MLXIP: variants seen among roughly 807,000 people sequenced by gnomAD.
MLXIP encodes MLX interacting protein, also known as MLX-interacting protein.
MLXIP carries 30 observed loss-of-function variants against 87.2 expected under a neutral mutation model. That is an observed-to-expected ratio of 0.34 (90% CI 0.26 to 0.47). The LOEUF (loss-of-function observed/expected upper bound fraction) is 0.47, where lower values mean the gene tolerates loss of function less well. Ranked by LOEUF, MLXIP falls within the 20% of genes least tolerant of loss-of-function variation. The pLI is 1.00. For synonymous variants in MLXIP, 530 were observed against 514.0 expected, an observed-to-expected ratio of 1.03 and a Z score of -0.42; for missense variants, 1,002 against 1,240.1, an observed-to-expected ratio of 0.81 and a Z score of 2.88.
chr12:122,106,394 C>T (rs1952519814), intron 1 of MLXIP, among the ~76,000 whole-genome samples: 1 of 152,178 alleles, frequency 6.6e-6, no homozygotes, highest in Non-Finnish European at 1.5e-5. Flanking sequence ...ACCTTTCTGT[C>T]TTCTGCATTA....
At chr12:122,092,748 C>T (rs1459071358) in intron 1 of MLXIP, among the ~76,000 whole-genome samples, 1 of 152,168 alleles carries the variant, frequency 6.6e-6, no homozygotes, top group Non-Finnish European at 1.5e-5. Flanking sequence ...AGGGACAATA[C>T]TTTGAACTCT....
intron 1 of MLXIP, among the ~76,000 whole-genome samples, chr12:122,083,416 ATTC>A (rs1204133601): frequency 6.7e-6 from 1 of 149,878 alleles, no homozygotes; most frequent in Non-Finnish European, 1.5e-5. Flanking sequence ...GTAACCCTTC[ATTC>A]TTTTTTTTTT....
intron 16 of MLXIP, 87 bp from the exon 17 acceptor site, chr12:122,141,604 C>A: frequency 6.4e-7 from 1 of 1,555,072 alleles, no homozygotes; most frequent in Non-Finnish European, 8.7e-7. Flanking sequence ...CCTGAGCATT[C>A]CCACATGGGT....
intron 1 of MLXIP, among the ~76,000 whole-genome samples, chr12:122,102,221 A>T (rs1389223753): frequency 6.6e-6 from 1 of 152,350 alleles, no homozygotes; most frequent in African/African-American, 2.4e-5. Flanking sequence ...TTTAGAATAT[A>T]TAAAGAATTC....
intron 1 of MLXIP, among the ~76,000 whole-genome samples, chr12:122,084,144 T>TTG (rs746678463): frequency 0.037 from 5,155 of 138,152 alleles, 189 homozygotes; most frequent in African/African-American, 0.096. Context: ...CTCAGCCAGA[T>TTG]TGTGTGTGTG....
chr12:122,093,167 G>A (rs900956676), intron 1 of MLXIP, among the ~76,000 whole-genome samples: 3 of 148,894 alleles, frequency 2.0e-5, no homozygotes, highest in African/African-American at 7.4e-5. Context: ...AGGGTATGTA[G>A]TGTGTGTAGT....
At position 122,138,268 on chromosome 12, in the gene MLXIP, C is replaced by G. The variant is rs1026441319; in HGVS notation, c.2229C>G (p.Asn743Lys). Residue 743 changes from asparagine (N) to lysine (K), a missense_variant, in exon 13 of 17, where the codon AAC (asparagine) becomes AAG (lysine). Asn to Lys is a moderately conservative substitution (Grantham distance 94). This residue lies in a region of MLXIP where 746 missense variants were observed against 897.0 expected (regional missense o/e 0.83). Transcript: ENST00000319080. Reference protein sequence around the residue: ...FNIKMCFDMLNSLISNNSKLT... With the variant: ...FNIKMCFDMLKSLISNNSKLT... ...TCAAGATGTGCTTCGACATGCTCAACAGCCTCATCTCCAACAATTCCAAGC... is the reference window on the plus strand; with the variant it reads ...TCAAGATGTGCTTCGACATGCTCAAGAGCCTCATCTCCAACAATTCCAAGC... 5 of 1,613,614 alleles carry G rather than the reference C, an allele frequency of 3.1e-6. No individual in the cohort carries two copies. The African/African-American group carries it at 6.7e-5, about 22-fold the overall frequency.
At position 122,133,795 on chromosome 12, in the gene MLXIP, C is replaced by G; in HGVS notation, c.1540C>G (p.Pro514Ala). Reference sequence around the variant, plus strand: ...GGGCCTTGTGATCACCACCCATCACCCTGCCCCGTCAGCGGCCCCTTGTGG... The same window carrying G: ...GGGCCTTGTGATCACCACCCATCACGCTGCCCCGTCAGCGGCCCCTTGTGG... Reference protein sequence around the residue: ...SQGLVITTHHPAPSAAPCGLA... With the variant: ...SQGLVITTHHAAPSAAPCGLA... Residue 514 changes from proline (P) to alanine (A), a missense_variant, in exon 9 of 17, where the codon CCT (proline) becomes GCT (alanine). Physicochemically the swap from Pro to Ala is conservative, Grantham distance 27. Coordinates refer to ENST00000319080, the MANE Select transcript of MLXIP (RefSeq NM_014938.6). This position sits in a 1 kb window ranked among gnomAD's most constrained non-coding sequence, Gnocchi z 4.9. The G allele has an allele frequency of 6.2e-7, 1 of 1,613,256 alleles. No individual in the cohort carries two copies. The highest frequency in any genetic ancestry group is 2.2e-5 in the East Asian group (1 of 44,860).
chr12:122,093,492 G>A (rs1344229578), intron 1 of MLXIP, among the ~76,000 whole-genome samples: 29 of 147,624 alleles, frequency 2.0e-4, no homozygotes, highest in Non-Finnish European at 4.2e-4. Flanking sequence ...TGTGGTGTGT[G>A]TGTGCGGTGT....
In MLXIP at chr12:122,105,821, C is replaced by G. The variant is rs114800856; in HGVS notation, c.414-21435C>G. Among the ~76,000 whole-genome samples the G allele has an allele frequency of 5.4e-3, 822 of 152,090 alleles. 8 individuals carry two copies. Among genetic ancestry groups the G allele is most frequent in the African/African-American group, 0.018 (763 of 41,496 alleles). The stretch of plus-strand genomic sequence containing the variant: ...TCCCTTTTATAAGCCCTTTCCCCCC[C>G]TTCTTTTCCTCCTCTCTCTCTTGTT... On this transcript the variant is annotated intron_variant, in intron 1 of 16. Transcript: ENST00000319080.
At chr12:122,134,850 C>T (rs7967127) in intron 9 of MLXIP, 151,704 of 290,154 alleles carry the variant, frequency 0.52, 40,098 homozygotes, top group Admixed American at 0.59. Context: ...AATTTTGTAT[C>T]TTCAGTAGAG....
rs7978353 is a variant in MLXIP, at chr12:122,133,442, A to T, written c.1187A>T (p.Glu396Val). ...PTAPSLAHMD[E>V]QGCEHTSRTE... ...GCCCCATCCCTGGCTCACATGGATG[A>T]GCAGGGCTGTGAACACACCTCCCGG... is the stretch of plus-strand genomic sequence containing the variant. Residue 396 changes from glutamate to valine, a missense_variant, in exon 9 of 17, where the codon GAG becomes GTG. Physicochemically the swap from Glu to Val is moderately radical, Grantham distance 121. This residue lies in a region of MLXIP where 746 missense variants were observed against 897.0 expected (regional missense o/e 0.83). Transcript: ENST00000319080. The surrounding 1 kb of genome is among the most constrained non-coding windows in gnomAD (Gnocchi z 4.9). 315 of 1,612,270 alleles carry T rather than the reference A, an allele frequency of 2.0e-4. No homozygotes were observed. The highest frequency in any genetic ancestry group is 2.6e-4 in the Non-Finnish European group (310 of 1,179,448).
chr12:122,094,938 TTGTG>T (rs1198844912), intron 1 of MLXIP, among the ~76,000 whole-genome samples: 20 of 138,184 alleles, frequency 1.4e-4, no homozygotes, highest in Middle Eastern at 5.1e-3. Flanking sequence ...TGGTGTGTGA[TTGTG>T]TGGTGTATTG....
rs943077325 is a variant in MLXIP, at chr12:122,147,250, A to T, written c.*5438A>T. On this transcript the variant is annotated 3_prime_UTR_variant, in exon 17 of 17. Coordinates refer to ENST00000319080, the MANE Select transcript of MLXIP (RefSeq NM_014938.6). ...CCCCTCTGATTGCTCTGCTGTCAAG[A>T]AGCACGTTTCCACCAGCTGTATTCA... is the stretch of plus-strand genomic sequence containing the variant. 5.9e-5 allele frequency: 9 copies of T among 152,218 alleles called. No individual in the cohort carries two copies. Among genetic ancestry groups the T allele is most frequent in the African/African-American group, 2.2e-4 (9 of 41,454 alleles). The allele number at this position is 152,218 out of a possible 1,614,324, so 9.4% of individuals were successfully genotyped here. A position where few individuals can be genotyped will look rare whatever the true frequency, so the allele number is the denominator to read the frequency against.
At chr12:122,116,819 A>G (rs1952699244) in intron 1 of MLXIP, among the ~76,000 whole-genome samples, 1 of 152,158 alleles carries the variant, frequency 6.6e-6, no homozygotes, top group Non-Finnish European at 1.5e-5. Context: ...ACTGTTTTGC[A>G]GAAGGTGGGC....
chr12:122,138,500 A>T lies in MLXIP; in HGVS notation c.2333A>T (p.Glu778Val). The T allele has an allele frequency of 6.2e-7, 1 of 1,613,946 alleles. No individual in the cohort carries two copies. The highest frequency in any genetic ancestry group is 8.5e-7 in the Non-Finnish European group (1 of 1,179,870). The part of the protein sequence containing the change: ...KLQQERGQMQ[E>V]EARRLREEIE... Reference sequence around the variant, plus strand: ...CAGCAGGAGAGAGGCCAGATGCAGGAGGAGGCCCGGCGGCTGCGGGAGGAG... The same window carrying T: ...CAGCAGGAGAGAGGCCAGATGCAGGTGGAGGCCCGGCGGCTGCGGGAGGAG... Residue 778 changes from glutamate to valine, a missense_variant, in exon 14 of 17, where the codon GAG (glutamate) becomes GTG (valine). Around this residue, in one of 3 missense-constraint regions of MLXIP, gnomAD observed 746 missense variants for 897.0 expected, o/e 0.83. Transcript: ENST00000319080.
At position 122,135,698 on chromosome 12, in the gene MLXIP, A is replaced by G. The variant is rs745833122; in HGVS notation, c.2032+32A>G. 2 of 1,459,324 alleles carry G rather than the reference A, an allele frequency of 1.4e-6. 1 individual carries two copies. The highest frequency in any genetic ancestry group is 1.8e-6 in the Non-Finnish European group (2 of 1,107,054). The allele number at this position is 1,459,324 out of a possible 1,614,324, so 90.4% of individuals were successfully genotyped here. On this transcript the variant is annotated intron_variant, in intron 11 of 16. Coordinates refer to ENST00000319080, the MANE Select transcript of MLXIP (RefSeq NM_014938.6). The surrounding 1 kb of genome is among the most constrained non-coding windows in gnomAD (Gnocchi z 5.3). ...GTTCACTCGGCGGGATGGTTGGGGC[A>G]TCGCAAGGGAAGTAACTGGGCCTGC...
intron 3 of MLXIP, 174 bp from the exon 4 acceptor site, chr12:122,128,963 C>G (rs898132180): frequency 1.6e-6 from 1 of 620,704 alleles, no homozygotes; most frequent in African/African-American, 1.8e-5. Context: ...GCTAGAGGGT[C>G]TGCTATAGCA....
intron 7 of MLXIP, 79 bp from the exon 8 acceptor site, chr12:122,132,213 T>G: frequency 8.7e-7 from 1 of 1,149,698 alleles, no homozygotes; most frequent in South Asian, 1.3e-5. Flanking sequence ...TGAGCCACCG[T>G]GCCTGGCCCT....
Sources: allele counts gnomAD v4.1 joint callset (sites outside exome capture counted in the v4.1 genomes callset), GRCh38; gene constraint gnomAD v4.1.1; regional missense constraint gnomAD v4.1.1; non-coding constraint Gnocchi (gnomAD v3.1); transcripts MANE v1.5; gene names NCBI Gene and HGNC (gene_info 2026-07-23, HGNC 2026-07-21).